Variants in PTPRN2 observed in about 807,000 individuals in gnomAD.
PTPRN2 encodes the protein protein tyrosine phosphatase receptor type N2.
A neutral mutation model predicts 118.8 loss-of-function variants in PTPRN2; 74 were observed. That is an observed-to-expected ratio of 0.62 (90% CI 0.52 to 0.76). PTPRN2 has a LOEUF of 0.76. Ranked by LOEUF, PTPRN2 falls within the 30% of genes least tolerant of loss-of-function variation. The probability of loss-of-function intolerance (pLI) is 0.00; values close to 1 mark genes in which losing one functional copy is unlikely to be tolerated. For missense variants in PTPRN2, 1,481 were observed against 1,394.4 expected, an observed-to-expected ratio of 1.06 and a Z score of -0.99; for synonymous variants, 641 against 608.0, an observed-to-expected ratio of 1.05 and a Z score of -0.80.
intron 14 of PTPRN2, among the ~76,000 whole-genome samples, chr7:157,645,925 G>C (rs1006253589): frequency 2.0e-5 from 3 of 152,228 alleles, no homozygotes; most frequent in South Asian, 2.1e-4. Context: ...AGAAAACCAC[G>C]AGTTTAGAGC....
chr7:157,904,554 C>G (rs1177880953), intron 11 of PTPRN2, among the ~76,000 whole-genome samples: 1 of 152,234 alleles, frequency 6.6e-6, no homozygotes, highest in Non-Finnish European at 1.5e-5. Context: ...GTCCCGGAGT[C>G]CCCAGAGTCC....
chr7:157,572,506 C>T (rs1799804425), intron 19 of PTPRN2, among the ~76,000 whole-genome samples: 1 of 152,162 alleles, frequency 6.6e-6, no homozygotes, highest in African/African-American at 2.4e-5. Context: ...CCTTTGAAGC[C>T]AGGAGGGGCA....
At chr7:158,425,793 C>T (rs1297122404) in intron 2 of PTPRN2, among the ~76,000 whole-genome samples, 2 of 105,208 alleles carry the variant, frequency 1.9e-5, no homozygotes, top group Non-Finnish European at 3.8e-5. Context: ...CTGAGGCCTG[C>T]GCACCGCCGG....
intron 12 of PTPRN2, among the ~76,000 whole-genome samples, chr7:157,767,266 T>C (rs1426501085): frequency 6.6e-6 from 1 of 152,252 alleles, no homozygotes; most frequent in South Asian, 2.1e-4. Context: ...TGTACCAGAT[T>C]TATCCTTGGA....
intron 11 of PTPRN2, among the ~76,000 whole-genome samples, chr7:158,017,970 G>A (rs1806570176): frequency 1.3e-5 from 2 of 152,086 alleles, no homozygotes; most frequent in Non-Finnish European, 2.9e-5. Flanking sequence ...CCATCACTGT[G>A]GGCTGGGGCC....
intron 2 of PTPRN2, among the ~76,000 whole-genome samples, chr7:158,451,069 G>A (rs567728540): frequency 3.9e-5 from 6 of 152,304 alleles, no homozygotes; most frequent in East Asian, 1.9e-4. Context: ...AATTTCATAC[G>A]GCTTCCGTCT....
chr7:157,789,173 GA>G (rs1361280635), intron 12 of PTPRN2, among the ~76,000 whole-genome samples: 2 of 152,358 alleles, frequency 1.3e-5, no homozygotes, highest in Non-Finnish European at 2.9e-5. Context: ...TTTGGTGACA[GA>G]TGAAGTCAGA....
chr7:158,521,319 C>T (rs150842268), intron 1 of PTPRN2, among the ~76,000 whole-genome samples: 27 of 152,280 alleles, frequency 1.8e-4, no homozygotes, highest in East Asian at 1.2e-3. Context: ...GTGATTCACC[C>T]GAAACCACAC....
At chr7:158,337,737 C>T (rs1182032845) in intron 2 of PTPRN2, among the ~76,000 whole-genome samples, 45 of 141,128 alleles carry the variant, frequency 3.2e-4, no homozygotes, top group African/African-American at 8.5e-4. Context: ...TCACTCACAA[C>T]CACACTCTCA....
At chr7:158,095,710 G>A (rs1361945924) in intron 10 of PTPRN2, among the ~76,000 whole-genome samples, 1 of 152,144 alleles carries the variant, frequency 6.6e-6, no homozygotes, top group Admixed American at 6.6e-5. Context: ...ACAGACTGAG[G>A]CCCTGCCTTC....
At chr7:157,786,957 T>G (rs1804077084) in intron 12 of PTPRN2, among the ~76,000 whole-genome samples, 1 of 152,128 alleles carries the variant, frequency 6.6e-6, no homozygotes, top group Admixed American at 6.5e-5. Flanking sequence ...CAGTGTCAGC[T>G]GTAGGTCCCA....
chr7:157,701,971 G>A (rs372867931), intron 12 of PTPRN2, among the ~76,000 whole-genome samples: 31 of 150,780 alleles, frequency 2.1e-4, no homozygotes, highest in African/African-American at 7.5e-4. Flanking sequence ...ACTGACGCGG[G>A]CTGTGGGTTT....
At chr7:158,344,644 C>A (rs555638792) in intron 2 of PTPRN2, among the ~76,000 whole-genome samples, 12 of 152,266 alleles carry the variant, frequency 7.9e-5, no homozygotes, top group African/African-American at 2.9e-4. Context: ...AGGTCCCACA[C>A]GTAACCCACC....
intron 2 of PTPRN2, among the ~76,000 whole-genome samples, chr7:158,478,565 A>G (rs143954361): frequency 1.1e-4 from 16 of 152,226 alleles, no homozygotes; most frequent in East Asian, 9.7e-4. Flanking sequence ...TTAACCTGAT[A>G]AGGAAGCTGC....
Position 157,621,449 on chromosome 7 carries a change from A to G in PTPRN2, c.2257T>C (p.Cys753Arg). ...CTGTTGGGCTCCGCCTGGTAGGCGC[A>G]CAGCGCTTCCCACTCCTTCTCCAGC... The part of the protein sequence containing the change: ...NRLEKEWEAL[C>R]AYQAEPNSSF... Residue 753 changes from cysteine to arginine, a missense_variant, in exon 15 of 23, where the codon TGC (cysteine) becomes CGC (arginine). Around this residue, in one of 3 missense-constraint regions of PTPRN2, gnomAD observed 362 missense variants for 384.1 expected, o/e 0.94. Coordinates refer to ENST00000389418, the MANE Select transcript of PTPRN2 (RefSeq NM_002847.5). 6.2e-7 allele frequency: 1 copy of G among 1,613,952 alleles called. No homozygotes were observed. Among genetic ancestry groups the G allele is most frequent in the Non-Finnish European group, 8.5e-7 (1 of 1,180,032 alleles).
At chr7:157,951,743 C>A (rs1211318445) in intron 11 of PTPRN2, among the ~76,000 whole-genome samples, 8 of 152,258 alleles carry the variant, frequency 5.3e-5, no homozygotes, top group Middle Eastern at 3.2e-3. Context: ...GCAACACCGT[C>A]TCAGGATCCA....
At chr7:158,386,452 G>A (rs921474583) in intron 2 of PTPRN2, among the ~76,000 whole-genome samples, 1 of 151,232 alleles carries the variant, frequency 6.6e-6, no homozygotes, top group African/African-American at 2.4e-5. Context: ...CCATGGTGCA[G>A]GAGCTGCCTC....
chr7:158,375,394 G>A (rs1586505023), intron 2 of PTPRN2, among the ~76,000 whole-genome samples: 1 of 152,250 alleles, frequency 6.6e-6, no homozygotes, highest in African/African-American at 2.4e-5. Flanking sequence ...AGACATTTTA[G>A]GAGAGCATGC....
intron 12 of PTPRN2, among the ~76,000 whole-genome samples, chr7:157,883,554 C>A (rs1796285106): frequency 6.8e-6 from 1 of 147,548 alleles, no homozygotes; most frequent in Admixed American, 6.7e-5. Context: ...AACCGACTGT[C>A]AGAGAACAGA....
Sources: allele counts gnomAD v4.1 joint callset (sites outside exome capture counted in the v4.1 genomes callset), GRCh38; gene constraint gnomAD v4.1.1; regional missense constraint gnomAD v4.1.1; transcripts MANE v1.5; gene names NCBI Gene and HGNC (gene_info 2026-07-23, HGNC 2026-07-21).